CASR: variants seen among roughly 807,000 people sequenced by gnomAD.
The protein encoded by CASR is extracellular calcium-sensing receptor.
CASR carries 23 observed loss-of-function variants against 69.1 expected under a neutral mutation model. The ratio of observed to expected loss-of-function variants is 0.33; its 90% CI spans 0.24 to 0.47. CASR has a LOEUF of 0.47. CASR is among the 20% of genes least tolerant of loss of function. The pLI is 1.00. For synonymous variants in CASR, 541 were observed against 544.7 expected (o/e 0.99, Z 0.10); for missense variants, 924 against 1,356.1 (o/e 0.68, Z 5.00).
At chr3:122,271,973 T>A (rs907608734) in intron 4 of CASR, among the ~76,000 whole-genome samples, 1 of 152,190 alleles carries the variant, frequency 6.6e-6, no homozygotes, top group African/African-American at 2.4e-5. Context: ...TATTTATCTG[T>A]TTACCCAATT....
chr3:122,280,597 T>C (rs1197931507), intron 5 of CASR, among the ~76,000 whole-genome samples: 1 of 152,156 alleles, frequency 6.6e-6, no homozygotes, highest in Non-Finnish European at 1.5e-5. Flanking sequence ...CCCCTCCCCT[T>C]CCCTTCCCTG....
At chr3:122,214,467 G>A (rs1426422162) in intron 1 of CASR, among the ~76,000 whole-genome samples, 1 of 152,106 alleles carries the variant, frequency 6.6e-6, no homozygotes, top group East Asian at 1.9e-4. Flanking sequence ...GGATAATGAA[G>A]GGATGACATT....
rs563065156 is a variant in CASR at position 122,212,235 on chromosome 3, G to A, written c.-243+28423G>A. Reference sequence around the variant, plus strand: ...ATGGAATATTATGCACCCATAAAAAGAAACCAGATCATGTCCTTTGCAGGG... The same window carrying A: ...ATGGAATATTATGCACCCATAAAAAAAAACCAGATCATGTCCTTTGCAGGG... On this transcript the variant is annotated intron_variant, in intron 1 of 6. Coordinates refer to ENST00000639785, the MANE Select transcript of CASR (RefSeq NM_000388.4). Among the ~76,000 whole-genome samples the A allele has an allele frequency of 7.2e-5, 11 of 152,284 alleles. No homozygotes were observed. The South Asian group carries it at 1.9e-3, about 26-fold the overall frequency.
intron 1 of CASR, among the ~76,000 whole-genome samples, chr3:122,184,972 G>A (rs2073763866): frequency 6.6e-6 from 1 of 152,130 alleles, no homozygotes; most frequent in African/African-American, 2.4e-5. Context: ...TGCCCCCACA[G>A]GATTCCTGGT....
chr3:122,285,009 G>A lies in CASR; in HGVS notation c.3055G>A (p.Gly1019Arg), dbSNP rs1060502848. ...CGAGCCATTACTCCCGCTGCAGTGC[G>A]GGGAAACGGACTTAGATCTGACCGT... ...RHEPLLPLQC[G>R]ETDLDLTVQE... is the part of the protein sequence containing the mutation. Residue 1019 changes from glycine to arginine, a missense_variant, in exon 7 of 7, where the codon GGG becomes AGG. This residue lies in a region of CASR where 201 missense variants were observed against 228.8 expected (regional missense o/e 0.88). Transcript: ENST00000639785. 2.0e-5 allele frequency: 32 copies of A among 1,613,910 alleles called. No individual in the cohort carries two copies. Among genetic ancestry groups the A allele is most frequent in the African/African-American group, 6.7e-5 (5 of 74,932 alleles).
intron 4 of CASR, among the ~76,000 whole-genome samples, chr3:122,263,538 T>C (rs944964631): frequency 6.6e-6 from 1 of 152,174 alleles, no homozygotes; most frequent in Non-Finnish European, 1.5e-5. Flanking sequence ...TAGAACACCT[T>C]TGTATACAGA....
chr3:122,215,912 A>T (rs1435942091), intron 1 of CASR, among the ~76,000 whole-genome samples: 1 of 152,200 alleles, frequency 6.6e-6, no homozygotes, highest in Non-Finnish European at 1.5e-5. Context: ...GTTGGGGATC[A>T]TAACCACTAG....
At chr3:122,205,952 G>C (rs1460671613) in intron 1 of CASR, among the ~76,000 whole-genome samples, 2 of 151,948 alleles carry the variant, frequency 1.3e-5, no homozygotes, top group Non-Finnish European at 2.9e-5. Flanking sequence ...TCATTTGTCA[G>C]TTCTAATAGT....
At position 122,290,347 on chromosome 3, in the gene CASR, T is replaced by C. The variant is rs960380195; in HGVS notation, c.*5156T>C. 2 of 152,206 alleles carry C rather than the reference T, an allele frequency of 1.3e-5. No homozygotes were observed. The highest frequency in any genetic ancestry group is 2.1e-4 in the South Asian group (1 of 4,830). 9.4% of individuals were successfully genotyped at this position (152,206 alleles called of 1,614,324 possible). ...CATTACAGGATTTCCTGTAAAGGCA[T>C]CAGGAAATGTTTTTGGAAGAATGTG... On this transcript the variant is annotated 3_prime_UTR_variant, in exon 7 of 7. Coordinates refer to ENST00000639785, the MANE Select transcript of CASR (RefSeq NM_000388.4).
At position 122,202,288 on chromosome 3, in the gene CASR, C is replaced by T. The variant is rs190246154; in HGVS notation, c.-243+18476C>T. Among the ~76,000 whole-genome samples the T allele has an allele frequency of 7.1e-3, 1,081 of 152,344 alleles. 10 individuals are homozygous for T. Among genetic ancestry groups the T allele is most frequent in the African/African-American group, 0.02 (849 of 41,586 alleles). On this transcript the variant is annotated intron_variant, in intron 1 of 6. Transcript: ENST00000639785. Reference sequence around the variant, plus strand: ...CGAAAACCAGTCAGGCGTGGTGGCGCGCGCCTGCAATGGCAGGCACTGGGC... The same window carrying T: ...CGAAAACCAGTCAGGCGTGGTGGCGTGCGCCTGCAATGGCAGGCACTGGGC...
Position 122,243,007 on chromosome 3 carries a change from A to G in CASR, c.-242-10941A>G, listed in dbSNP as rs572662072. Among the ~76,000 whole-genome samples the G allele has an allele frequency of 2.0e-5, 3 of 152,288 alleles. No individual in the cohort carries two copies. In the East Asian group the frequency reaches 5.8e-4, roughly 29 times the overall value. ...TGAAACTAGACCTCTGTCTCTCACC[A>G]TATACAAAAATCAAATCAAAATGGA... On this transcript the variant is annotated intron_variant, in intron 1 of 6. Transcript: ENST00000639785.
intron 6 of CASR, among the ~76,000 whole-genome samples, chr3:122,282,977 C>T (rs994223898): frequency 6.6e-6 from 1 of 152,246 alleles, no homozygotes; most frequent in East Asian, 1.9e-4. Flanking sequence ...CTGCCCAAAA[C>T]TGCATACTGC....
At chr3:122,276,076 C>T (rs2074816979) in intron 5 of CASR, 34 bp downstream of exon 5, 1 of 1,369,750 alleles carries the variant, frequency 7.3e-7, no homozygotes, top group Non-Finnish European at 1.0e-6. Flanking sequence ...CAGATGTCTC[C>T]ACCAGGGGCA....
At chr3:122,266,144 G>GT (rs1259563829) in intron 4 of CASR, among the ~76,000 whole-genome samples, 7 of 152,054 alleles carry the variant, frequency 4.6e-5, no homozygotes, top group Non-Finnish European at 8.8e-5. Flanking sequence ...CTAATGTTCA[G>GT]TTTAATTCAA....
rs2074976284 is a variant in CASR at position 122,287,033 on chromosome 3, G to C, written c.*1842G>C. The C allele has an allele frequency of 6.6e-6, 1 of 152,252 alleles. No individual in the cohort carries two copies. Among genetic ancestry groups the C allele is most frequent in the Non-Finnish European group, 1.5e-5 (1 of 68,062 alleles). The allele number at this position is 152,252 out of a possible 1,614,324, so 9.4% of individuals were successfully genotyped here. On this transcript the variant is annotated 3_prime_UTR_variant, in exon 7 of 7. Transcript: ENST00000639785. Reference sequence around the variant, plus strand: ...AGTGAGGTGCCTGCTCCCCACCTAGGAAGGGCACCGGCCCCCACCCAGCCT... The same window carrying C: ...AGTGAGGTGCCTGCTCCCCACCTAGCAAGGGCACCGGCCCCCACCCAGCCT...
At chr3:122,232,972 G>A (rs2074294150) in intron 1 of CASR, among the ~76,000 whole-genome samples, 1 of 152,116 alleles carries the variant, frequency 6.6e-6, no homozygotes, top group African/African-American at 2.4e-5. Flanking sequence ...AATCATGTCT[G>A]AACACAGACA....
intron 4 of CASR, among the ~76,000 whole-genome samples, chr3:122,265,967 G>T (rs571280698): frequency 1.3e-5 from 2 of 152,160 alleles, no homozygotes; most frequent in South Asian, 4.1e-4. Context: ...AGAAAACATG[G>T]CTGGCGTTAG....
In CASR at chr3:122,269,549, T is replaced by G. The variant is rs571112877; in HGVS notation, c.1378-6263T>G. Among the ~76,000 whole-genome samples the G allele has an allele frequency of 5.3e-5, 8 of 152,372 alleles. No individual in the cohort carries two copies. The South Asian group carries it at 1.0e-3, about 20-fold the overall frequency. On this transcript the variant is annotated intron_variant, in intron 4 of 6. Coordinates refer to ENST00000639785, the MANE Select transcript of CASR (RefSeq NM_000388.4). ...TTTCGTTCCTGGGATTAATCCTACT[T>G]GGTCATAATGTATATTCCTTTTTGT...
At chr3:122,213,445 C>T (rs1291756946) in intron 1 of CASR, among the ~76,000 whole-genome samples, 2 of 152,208 alleles carry the variant, frequency 1.3e-5, no homozygotes, top group Non-Finnish European at 2.9e-5. Flanking sequence ...GGCAAACTCT[C>T]AGAGTTAGTT....
Sources: allele counts gnomAD v4.1 joint callset (sites outside exome capture counted in the v4.1 genomes callset), GRCh38; gene constraint gnomAD v4.1.1; regional missense constraint gnomAD v4.1.1; transcripts MANE v1.5; gene names NCBI Gene and HGNC (gene_info 2026-07-23, HGNC 2026-07-21).